NCAM1: variants seen among roughly 807,000 people sequenced by gnomAD.
The protein encoded by NCAM1 is antigen recognized by monoclonal antibody 5.1H11.
A neutral mutation model predicts 109.8 loss-of-function variants in NCAM1; 14 were observed. The ratio of observed to expected loss-of-function variants is 0.13; its 90% confidence interval spans 0.08 to 0.20. The LOEUF is 0.20. Ranked by LOEUF, NCAM1 falls within the 10% of genes least tolerant of loss-of-function variation. The probability of loss-of-function intolerance (pLI) is 1.00; values close to 1 mark genes in which losing one functional copy is unlikely to be tolerated. For missense variants in NCAM1, 774 were observed against 1,109.9 expected, an observed-to-expected ratio of 0.70 and a Z score of 4.30; for synonymous variants, 418 against 442.9, an observed-to-expected ratio of 0.94 and a Z score of 0.70.
chr11:113,198,633 G>A (rs1009383516), intron 1 of NCAM1, among the ~76,000 whole-genome samples: 3 of 152,146 alleles, frequency 2.0e-5, no homozygotes, highest in South Asian at 2.1e-4. Flanking sequence ...GAGCCACTGC[G>A]CCCGGCTGAT....
intron 1 of NCAM1, among the ~76,000 whole-genome samples, chr11:113,072,113 C>A (rs1555085376): frequency 1.3e-5 from 2 of 152,084 alleles, no homozygotes; most frequent in African/African-American, 4.8e-5. Flanking sequence ...CCACTGCACT[C>A]CAGCCTGGGT....
intron 1 of NCAM1, among the ~76,000 whole-genome samples, chr11:112,978,244 A>G (rs1480584295): frequency 9.2e-6 from 1 of 108,300 alleles, no homozygotes; most frequent in Non-Finnish European, 1.9e-5. Context: ...AAAAATCTAA[A>G]TTGGTGTTTA....
At chr11:113,092,784 A>G (rs1555089601) in intron 1 of NCAM1, among the ~76,000 whole-genome samples, 1 of 152,166 alleles carries the variant, frequency 6.6e-6, no homozygotes, top group Non-Finnish European at 1.5e-5. Flanking sequence ...TGTGGAAGAA[A>G]GGAGTGAGAT....
At chr11:113,035,238 T>G (rs1952835494) in intron 1 of NCAM1, among the ~76,000 whole-genome samples, 4 of 152,226 alleles carry the variant, frequency 2.6e-5, no homozygotes, top group Non-Finnish European at 5.9e-5. Context: ...AATTCTGGTT[T>G]GATAAGTTTG....
At chr11:113,268,935 C>G (rs1387497023) in intron 17 of NCAM1, among the ~76,000 whole-genome samples, 1 of 152,152 alleles carries the variant, frequency 6.6e-6, no homozygotes, top group Non-Finnish European at 1.5e-5. Flanking sequence ...TCAGTTGGCC[C>G]TGAGAGCACA....
In NCAM1 at chr11:113,231,278, GGCTGCT is replaced by G. The variant is rs781920826; in HGVS notation, c.1090-352_1090-347del. On this transcript the variant is annotated intron_variant, in intron 9 of 19. Coordinates refer to ENST00000316851, the MANE Select transcript of NCAM1 (RefSeq NM_181351.5). ...GGTTTCCCAGGATCTCATGAGGTAGGGCTGCTGCTGCTGCTGCTGCAATATCTGCTG... is the reference window on the plus strand; with the variant it reads ...GGTTTCCCAGGATCTCATGAGGTAGGGCTGCTGCTGCTGCAATATCTGCTG... 16 of 1,530,180 alleles carry G rather than the reference GGCTGCT, an allele frequency of 1.0e-5. No individual in the cohort carries two copies. In the South Asian group the frequency reaches 1.8e-4, roughly 17 times the overall value. 94.8% of individuals were successfully genotyped at this position (1,530,180 alleles called of 1,614,324 possible). A position where few individuals can be genotyped will look rare whatever the true frequency, so the allele number is the denominator to read the frequency against.
chr11:113,148,351 T>C (rs1942095195), intron 1 of NCAM1, among the ~76,000 whole-genome samples: 2 of 139,236 alleles, frequency 1.4e-5, no homozygotes, highest in South Asian at 4.7e-4. Context: ...TTTTTGTTTG[T>C]TTGCGGAGCT....
chr11:113,247,456 C>T (rs1264086395), intron 15 of NCAM1, among the ~76,000 whole-genome samples: 4 of 152,134 alleles, frequency 2.6e-5, no homozygotes, highest in East Asian at 1.9e-4. Flanking sequence ...CAGCTGGTCT[C>T]GCATGTCCTT....
rs1316810309 is a variant in NCAM1, at chr11:113,277,168, T to C, written c.*1781T>C. On this transcript the variant is annotated 3_prime_UTR_variant, in exon 20 of 20. Transcript: ENST00000316851. ...CTCCGCATGCGCTCCTCTCCTAAGGTACAAAGCAGCAAGAGGTTAGGGTGG... is the reference window on the plus strand; with the variant it reads ...CTCCGCATGCGCTCCTCTCCTAAGGCACAAAGCAGCAAGAGGTTAGGGTGG... The C allele has an allele frequency of 5.0e-6, 2 of 396,612 alleles. No individual in the cohort carries two copies. The highest frequency in any genetic ancestry group is 8.9e-6 in the Non-Finnish European group (2 of 225,088). 24.6% of individuals were successfully genotyped at this position (396,612 alleles called of 1,614,324 possible).
At chr11:113,156,312 G>A (rs1403463148) in intron 1 of NCAM1, among the ~76,000 whole-genome samples, 4 of 152,162 alleles carry the variant, frequency 2.6e-5, no homozygotes, top group African/African-American at 9.7e-5. Context: ...TGAGTTTCAG[G>A]TAGTAGCAGC....
intron 1 of NCAM1, among the ~76,000 whole-genome samples, chr11:113,090,303 C>A (rs1484071155): frequency 6.6e-6 from 1 of 152,008 alleles, no homozygotes; most frequent in Non-Finnish European, 1.5e-5. Flanking sequence ...TATTACTGAC[C>A]CATATTAATG....
At chr11:113,143,299 G>T (rs782448707) in intron 1 of NCAM1, among the ~76,000 whole-genome samples, 9 of 152,032 alleles carry the variant, frequency 5.9e-5, no homozygotes, top group Non-Finnish European at 1.2e-4. Context: ...TAAAAGATCT[G>T]GATGATTTTC....
chr11:113,207,926 C>G lies in NCAM1; in HGVS notation c.840C>G (p.Asn280Lys). The change falls in exon 7 of 20, where the codon AAC (asparagine) becomes AAG (lysine). Residue 280 changes from asparagine (N) to lysine (K), a missense_variant. By Grantham distance (94) the Asn-to-Lys change is moderately conservative. Transcript: ENST00000316851. ...SQLTIKKVDK[N>K]DEAEYICIAE... Reference sequence around the variant, plus strand: ...TGACCATCAAAAAGGTGGATAAGAACGACGAGGCTGAGTACATCTGCATTG... The same window carrying G: ...TGACCATCAAAAAGGTGGATAAGAAGGACGAGGCTGAGTACATCTGCATTG... 2 of 1,612,580 alleles carry G rather than the reference C, an allele frequency of 1.2e-6. No individual in the cohort carries two copies. The highest frequency in any genetic ancestry group is 1.7e-6 in the Non-Finnish European group (2 of 1,179,352).
intron 1 of NCAM1, among the ~76,000 whole-genome samples, chr11:113,142,133 G>A (rs1941852467): frequency 6.6e-6 from 1 of 152,182 alleles, no homozygotes; most frequent in Non-Finnish European, 1.5e-5. Flanking sequence ...CCCAGTAACA[G>A]GCTTAGTACT....
intron 1 of NCAM1, among the ~76,000 whole-genome samples, chr11:112,997,898 AG>A (rs1951638821): frequency 6.6e-6 from 1 of 152,182 alleles, no homozygotes; most frequent in Non-Finnish European, 1.5e-5. Flanking sequence ...AAGCCTAAAA[AG>A]TGATTCTTTT....
At chr11:113,096,041 A>T (rs1749941762) in intron 1 of NCAM1, among the ~76,000 whole-genome samples, 1 of 152,162 alleles carries the variant, frequency 6.6e-6, no homozygotes, top group Non-Finnish European at 1.5e-5. Context: ...GAATTCAGAC[A>T]CAGACCTGTC....
intron 1 of NCAM1, among the ~76,000 whole-genome samples, chr11:113,037,317 T>A (rs1555079331): frequency 6.6e-6 from 1 of 152,164 alleles, no homozygotes. Flanking sequence ...ACAAGAGGGT[T>A]GGGTTTGTGA....
intron 17 of NCAM1, chr11:113,263,072 A>G: frequency 7.1e-7 from 1 of 1,404,822 alleles, no homozygotes. Flanking sequence ...TGTGATTGGA[A>G]AAAGCTTTAC....
intron 1 of NCAM1, among the ~76,000 whole-genome samples, chr11:113,165,208 A>G (rs1942747941): frequency 6.6e-6 from 1 of 152,200 alleles, no homozygotes. Context: ...GACCCTCCAC[A>G]AGGTAGAAAG....
Sources: allele counts gnomAD v4.1 joint callset (sites outside exome capture counted in the v4.1 genomes callset), GRCh38; gene constraint gnomAD v4.1.1; transcripts MANE v1.5; gene names NCBI Gene and HGNC (gene_info 2026-07-23, HGNC 2026-07-21).